The following RNF213 variants were observed in gnomAD, a reference collection of about 807,000 sequenced individuals.
RNF213 encodes the protein ring finger protein 213.
RNF213 carries 341 observed loss-of-function variants against 514.4 expected under a neutral mutation model. That is an observed-to-expected ratio of 0.66 (90% CI 0.61 to 0.73). RNF213 has a LOEUF of 0.73. Ranked by LOEUF, RNF213 falls within the 30% of genes least tolerant of loss-of-function variation. RNF213 has a pLI of 0.00. For missense variants in RNF213, 5,767 were observed against 6,615.6 expected (o/e 0.87, Z 4.45); for synonymous variants, 2,655 against 2,658.2 (o/e 1.00, Z 0.04).
intron 22 of RNF213, among the ~76,000 whole-genome samples, chr17:80,335,278 G>A (rs2077956600): frequency 6.6e-6 from 1 of 152,126 alleles, no homozygotes; most frequent in Non-Finnish European, 1.5e-5. Context: ...GCGTTTCTTG[G>A]CAGCCTCTTC....
intron 36 of RNF213, among the ~76,000 whole-genome samples, chr17:80,356,963 A>C (rs1442636735): frequency 6.9e-6 from 1 of 144,338 alleles, no homozygotes; most frequent in Non-Finnish European, 1.5e-5. Context: ...CTCGTCCCCC[A>C]TGCTGGAGTG....
chr17:80,379,782 C>CTGA lies in RNF213; in HGVS notation c.13640+70_13640+72dup, dbSNP rs2079912221. On this transcript the variant is annotated intron_variant, in intron 55 of 67. Transcript: ENST00000582970. The stretch of plus-strand genomic sequence containing the variant: ...GGGTGTTGGGCTGTTTTTATTCCAG[C>CTGA]TGATAAAGTGATACTCAAGATAGTA... The CTGA allele has an allele frequency of 3.9e-6, 5 of 1,275,120 alleles. No homozygotes were observed. In the Admixed American group the frequency reaches 5.1e-5, roughly 13 times the overall value. The allele number at this position is 1,275,120 out of a possible 1,614,324, so 79.0% of individuals were successfully genotyped here. A position where few individuals can be genotyped will look rare whatever the true frequency, so the allele number is the denominator to read the frequency against.
rs755665422 is a variant in RNF213, at chr17:80,345,719, T to G, written c.7384T>G (p.Ser2462Ala). Residue 2462 changes from serine (S) to alanine (A), a missense_variant, in exon 29 of 68, where the codon TCC becomes GCC. By Grantham distance (99) the Ser-to-Ala change is moderately conservative (BLOSUM62 1). Transcript: ENST00000582970. The surrounding 1 kb of genome is among the most constrained non-coding windows in gnomAD (Gnocchi z 6.0). ...HGGTTADMIYSRVREAENVAF... is the reference protein window; with the variant it reads ...HGGTTADMIYARVREAENVAF... ...AGGAACAACTGCAGACATGATCTAC[T>G]CCAGAGTCAGGGAGGCTGAAAATGT... is the stretch of plus-strand genomic sequence containing the variant. 1 of 1,614,168 alleles carries G rather than the reference T, an allele frequency of 6.2e-7. No homozygotes were observed. The highest frequency in any genetic ancestry group is 1.7e-5 in the Admixed American group (1 of 60,024).
At chr17:80,268,372 AAAAAAAAG>A (rs1324651259) in intron 2 of RNF213, among the ~76,000 whole-genome samples, 1 of 145,318 alleles carries the variant, frequency 6.9e-6, no homozygotes, top group African/African-American at 2.5e-5. Context: ...AAAAAAAAAA[AAAAAAAAG>A]GCAGTACTGC....
At chr17:80,373,989 A>G (rs1484937454) in intron 49 of RNF213, among the ~76,000 whole-genome samples, 1 of 132,406 alleles carries the variant, frequency 7.6e-6, no homozygotes, top group East Asian at 2.4e-4. Flanking sequence ...TGGGCGATAG[A>G]GCGAGACTCC....
intron 57 of RNF213, chr17:80,382,430 A>G (rs1166525590): frequency 6.3e-6 from 1 of 159,660 alleles, no homozygotes; most frequent in Non-Finnish European, 1.4e-5. Flanking sequence ...CTGCCCCATG[A>G]CAAGAAAATC....
chr17:80,290,583 G>C lies in RNF213; in HGVS notation c.1126G>C (p.Gly376Arg). The C allele has an allele frequency of 1.2e-6, 2 of 1,613,970 alleles. No homozygotes were observed. The highest frequency in any genetic ancestry group is 1.7e-6 in the Non-Finnish European group (2 of 1,180,036). Residue 376 changes from glycine (G) to arginine (R), a missense_variant, in exon 7 of 68, where the codon GGT becomes CGT. By Grantham distance (125) the Gly-to-Arg change is moderately radical. Transcript: ENST00000582970. ...QEVKASTLSPGGGVTVFFHAI... is the reference protein window; with the variant it reads ...QEVKASTLSPRGGVTVFFHAI... ...GTTTTCCACCAGCACGCTGAGCCCGGGTGGAGGAGTCACCGTGTTCTTCCA... is the reference window on the plus strand; with the variant it reads ...GTTTTCCACCAGCACGCTGAGCCCGCGTGGAGGAGTCACCGTGTTCTTCCA...
rs542269694 is a variant in RNF213 at position 80,328,252 on chromosome 17, C to A, written c.3368-76C>A. The A allele has an allele frequency of 2.1e-6, 3 of 1,457,492 alleles. No individual in the cohort carries two copies. In the South Asian group the frequency reaches 4.1e-5, roughly 20 times the overall value. The allele number at this position is 1,457,492 out of a possible 1,614,324, so 90.3% of individuals were successfully genotyped here. The stretch of plus-strand genomic sequence containing the variant: ...TCTCCTGGTGGCGGGGAAGGTGCGG[C>A]GCTTTCAAAGCATTGCCATGGAAAA... On this transcript the variant is annotated intron_variant, in intron 19 of 67. Coordinates refer to ENST00000582970, the MANE Select transcript of RNF213 (RefSeq NM_001256071.3).
At chr17:80,376,674 C>A in intron 52 of RNF213, 131 bp downstream of exon 52, 1 of 1,355,594 alleles carries the variant, frequency 7.4e-7, no homozygotes. Flanking sequence ...TTTGTGTCAC[C>A]TGATTCTTGA....
chr17:80,381,317 G>A (rs1249205588), intron 56 of RNF213: 7 of 614,746 alleles, frequency 1.1e-5, no homozygotes, highest in Non-Finnish European at 1.7e-5. Flanking sequence ...GCATAACCAA[G>A]ATGGCCAACA....
At position 80,307,152 on chromosome 17, in the gene RNF213, C is replaced by T; in HGVS notation, c.2452C>T (p.Gln818Ter). Residue 818 changes from glutamine (Q) to a stop codon, truncating the protein, a stop_gained, in exon 13 of 68, where the codon CAG (glutamine) becomes TAG (stop). Coordinates refer to ENST00000582970, the MANE Select transcript of RNF213 (RefSeq NM_001256071.3). LOFTEE classifies it high-confidence loss of function. ...GGATGTTCAGGATGTTCAGAACGTT[C>T]AGAACATTTTAGAAATGCTGTTGCG... ...TQDVQDVQNV[Q>*]NILEMLLRLL... 1.9e-6 allele frequency: 3 copies of T among 1,613,786 alleles called. No homozygotes were observed. The highest frequency in any genetic ancestry group is 2.5e-6 in the Non-Finnish European group (3 of 1,179,916).
At chr17:80,266,021 T>C (rs564795932) in intron 2 of RNF213, among the ~76,000 whole-genome samples, 81 of 152,178 alleles carry the variant, frequency 5.3e-4, no homozygotes, top group African/African-American at 1.8e-3. Flanking sequence ...CCAAATGATA[T>C]AAAGTTGAGT....
At chr17:80,310,820 AG>A (rs1471259819) in intron 14 of RNF213, among the ~76,000 whole-genome samples, 2 of 152,180 alleles carry the variant, frequency 1.3e-5, no homozygotes, top group African/African-American at 4.8e-5. Context: ...CCAAAGTGCT[AG>A]GATTACAGGC....
chr17:80,261,503 G>C (rs1450518017), intron 1 of RNF213, among the ~76,000 whole-genome samples: 1 of 152,190 alleles, frequency 6.6e-6, no homozygotes, highest in Non-Finnish European at 1.5e-5. Flanking sequence ...GGGAGTCCAG[G>C]GCGGGAGGGG....
At chr17:80,283,716 G>A (rs1197573803) in intron 3 of RNF213, among the ~76,000 whole-genome samples, 1 of 152,212 alleles carries the variant, frequency 6.6e-6, no homozygotes, top group African/African-American at 2.4e-5. Context: ...CATGCTGGTG[G>A]GAGGTGGGGG....
chr17:80,339,614 G>A lies in RNF213; in HGVS notation c.5247G>A (p.Gly1749=). Reference sequence around the variant, plus strand: ...TCTTAAGGGCCTCTGTGGGGTGTGGGAGTGAGGCCGCCAGGTACCGCATGA... The same window carrying A: ...TCTTAAGGGCCTCTGTGGGGTGTGGAAGTGAGGCCGCCAGGTACCGCATGA... ...RDVLRASVGC[G]SEAARYRMRR... is the part of the protein sequence containing the mutation. Residue 1749 remains glycine (G), a synonymous_variant, in exon 26 of 68, where the codon GGG becomes GGA. Transcript: ENST00000582970. 1 of 1,537,202 alleles carries A rather than the reference G, an allele frequency of 6.5e-7. No individual in the cohort carries two copies.
intron 41 of RNF213, 76 bp from the exon 42 acceptor site, chr17:80,364,357 G>A (rs560892702): frequency 1.1e-4 from 180 of 1,607,888 alleles, no homozygotes; most frequent in Middle Eastern, 2.1e-4. Flanking sequence ...CTCTTCTCCC[G>A]TCTCCCTCCT....
Position 80,361,741 on chromosome 17 carries a change from C to G in RNF213, c.11208C>G (p.Pro3736=), listed in dbSNP as rs572231687. ...AQYITDAEGL[P]KKFVDIFQQT... is the part of the protein sequence containing the mutation. ...TTGGTTTCCTCTCTGCAGGACTGCC[C>G]AAGAAGTTCGTGGACATCTTTCAGC... is the stretch of plus-strand genomic sequence containing the variant. The change falls in exon 39 of 68, where the codon CCC becomes CCG. Residue 3736 remains proline, a synonymous_variant. Coordinates refer to ENST00000582970, the MANE Select transcript of RNF213 (RefSeq NM_001256071.3). 101 of 1,613,530 alleles carry G rather than the reference C, an allele frequency of 6.3e-5. No homozygotes were observed. The East Asian group carries it at 2.2e-3, about 35-fold the overall frequency.
intron 11 of RNF213, among the ~76,000 whole-genome samples, chr17:80,298,937 C>A (rs991263350): frequency 1.3e-5 from 2 of 152,050 alleles, no homozygotes; most frequent in African/African-American, 4.8e-5. Context: ...TGGGATCATG[C>A]TACTGCACTG....
Sources: gnomAD v4.1 joint callset for allele counts (sites outside exome capture counted in the v4.1 genomes callset) on GRCh38, gnomAD v4.1.1 for gene constraint, Gnocchi (gnomAD v3.1) non-coding constraint, MANE v1.5 for transcripts, NCBI Gene and HGNC (gene_info 2026-07-23, HGNC 2026-07-21) for gene names.